Variants in ENTREP2 observed in about 807,000 individuals in gnomAD.
The protein encoded by ENTREP2 is endosomal transmembrane epsin interactor 2, also known as protein ENTREP2.
At chr15:29,622,260 C>A in the ENTREP2 span, among the ~76,000 whole-genome samples, 2 of 152,066 alleles carry the variant, frequency 1.3e-5, no homozygotes, top group African/African-American at 4.8e-5. Context: ...AGGCTGGGGG[C>A]AATGGCATGA....
At chr15:29,556,062 T>C in the ENTREP2 span, among the ~76,000 whole-genome samples, 20 of 152,182 alleles carry the variant, frequency 1.3e-4, no homozygotes, top group Non-Finnish European at 2.2e-4. Context: ...GAGACCAGTC[T>C]GGGCAACATA....
chr15:29,460,418 G>A, the ENTREP2 span, among the ~76,000 whole-genome samples: 2 of 152,154 alleles, frequency 1.3e-5, no homozygotes, highest in Non-Finnish European at 2.9e-5. Context: ...ATCACCTTGA[G>A]GTCAGGAATT....
the ENTREP2 span, among the ~76,000 whole-genome samples, chr15:29,231,604 GA>G: frequency 6.6e-6 from 1 of 151,942 alleles, no homozygotes; most frequent in South Asian, 2.1e-4. Context: ...ATATCCTTAG[GA>G]AAAAATTCCC....
At chr15:29,572,689 T>C in the ENTREP2 span, among the ~76,000 whole-genome samples, 1 of 151,932 alleles carries the variant, frequency 6.6e-6, no homozygotes, top group Non-Finnish European at 1.5e-5. Flanking sequence ...ATTCAAAAAA[T>C]AGTATACACC....
the ENTREP2 span, among the ~76,000 whole-genome samples, chr15:29,202,273 T>G: frequency 1.3e-5 from 2 of 152,190 alleles, no homozygotes. Flanking sequence ...ATTTCTGCTC[T>G]TTCATTTATG....
chr15:29,571,095 T>A, the ENTREP2 span, among the ~76,000 whole-genome samples: 1 of 149,810 alleles, frequency 6.7e-6, no homozygotes, highest in African/African-American at 2.4e-5. Context: ...CGCCGTGCGC[T>A]GGGCCCCAGC....
At chr15:29,214,702 AT>A in the ENTREP2 span, among the ~76,000 whole-genome samples, 38 of 151,360 alleles carry the variant, frequency 2.5e-4, no homozygotes, top group Admixed American at 2.2e-3. Flanking sequence ...AAAAAAAAAA[AT>A]GTAAAAAAAA....
the ENTREP2 span, chr15:29,268,861 T>C: frequency 1.2e-6 from 2 of 1,614,178 alleles, no homozygotes; most frequent in African/African-American, 1.3e-5. Context: ...AGCCTCACAG[T>C]ACTGCGCTGG....
the ENTREP2 span, chr15:29,267,320 A>G: frequency 6.6e-6 from 1 of 152,238 alleles, no homozygotes; most frequent in African/African-American, 2.4e-5. Flanking sequence ...AACGTGTTGA[A>G]TCTCTGCATT....
chr15:29,321,804 C>CGTGT, the ENTREP2 span, among the ~76,000 whole-genome samples: 1 of 151,720 alleles, frequency 6.6e-6, no homozygotes, highest in African/African-American at 2.4e-5. Flanking sequence ...AGGGGAACAA[C>CGTGT]ACACACTGGG....
the ENTREP2 span, among the ~76,000 whole-genome samples, chr15:29,218,316 A>G: frequency 6.6e-6 from 1 of 152,136 alleles, no homozygotes; most frequent in Non-Finnish European, 1.5e-5. Flanking sequence ...AACTCCTAAG[A>G]GTATATGCCC....
chr15:29,581,942 G>T, the ENTREP2 span, among the ~76,000 whole-genome samples: 150 of 138,886 alleles, frequency 1.1e-3, no homozygotes, highest in Non-Finnish European at 1.8e-3. Context: ...AAATATGCTG[G>T]TTTTTTTTTT....
the ENTREP2 span, among the ~76,000 whole-genome samples, chr15:29,147,388 A>G: frequency 1.7e-3 from 253 of 152,324 alleles, no homozygotes; most frequent in Admixed American, 3.1e-3. Context: ...AAGAAAGATC[A>G]TAAGTGTTGG....
At chr15:29,334,251 G>A in the ENTREP2 span, among the ~76,000 whole-genome samples, 1 of 152,144 alleles carries the variant, frequency 6.6e-6, no homozygotes, top group East Asian at 1.9e-4. Flanking sequence ...AGAAGGTCCC[G>A]GGGGATCCTG....
the ENTREP2 span, among the ~76,000 whole-genome samples, chr15:29,185,567 T>TA: frequency 6.6e-6 from 1 of 152,136 alleles, no homozygotes; most frequent in Non-Finnish European, 1.5e-5. Flanking sequence ...CATGGTCCCT[T>TA]TTTATTTATT....
At chr15:29,672,206 T>C in the ENTREP2 span, among the ~76,000 whole-genome samples, 207 of 152,250 alleles carry the variant, frequency 1.4e-3, 1 homozygote, top group Middle Eastern at 3.4e-3. Context: ...CAGGCTGATC[T>C]CAAACTACTG....
At chr15:29,263,262 C>T in the ENTREP2 span, among the ~76,000 whole-genome samples, 5 of 152,222 alleles carry the variant, frequency 3.3e-5, no homozygotes, top group African/African-American at 9.6e-5. Flanking sequence ...TCCAAACTTT[C>T]GAAAACATCT....
At chr15:29,674,136 G>GT in the ENTREP2 span, among the ~76,000 whole-genome samples, 1 of 149,776 alleles carries the variant, frequency 6.7e-6, no homozygotes, top group South Asian at 2.2e-4. Context: ...GATGGGGGGG[G>GT]GGGGGGGCTT....
the ENTREP2 span, among the ~76,000 whole-genome samples, chr15:29,333,724 A>C: frequency 9.9e-5 from 15 of 152,100 alleles, no homozygotes; most frequent in African/African-American, 3.1e-4. Context: ...TCCTTCCCCC[A>C]AAATTCACAG....
Sources: gnomAD v4.1 joint callset for allele counts (sites outside exome capture counted in the v4.1 genomes callset) on GRCh38, gnomAD v4.1.1 for gene constraint, MANE v1.5 for transcripts, NCBI Gene and HGNC (gene_info 2026-07-23, HGNC 2026-07-21) for gene names.